ELAPOR2: variants seen among roughly 807,000 people sequenced by gnomAD.
The protein encoded by ELAPOR2 is endosome/lysosome-associated apoptosis and autophagy regulator family member 2.
ELAPOR2 carries 89 observed loss-of-function variants against 120.7 expected under a neutral mutation model. The observed-to-expected ratio is 0.74, with a 90% CI of 0.62 to 0.88. ELAPOR2 has a LOEUF of 0.88. Ranked by LOEUF, ELAPOR2 falls within the 40% of genes least tolerant of loss-of-function variation. ELAPOR2 has a pLI of 0.00. For synonymous variants in ELAPOR2, 444 were observed against 444.9 expected, an observed-to-expected ratio of 1.00 and a Z score of 0.03; for missense variants, 1,134 against 1,251.6, an observed-to-expected ratio of 0.91 and a Z score of 1.42.
At chr7:87,058,805 C>G (rs1795342345) in intron 1 of ELAPOR2, among the ~76,000 whole-genome samples, 1 of 152,088 alleles carries the variant, frequency 6.6e-6, no homozygotes, top group Admixed American at 6.5e-5. Flanking sequence ...CTAAGTGACA[C>G]CATACATTGG....
intron 1 of ELAPOR2, among the ~76,000 whole-genome samples, chr7:87,047,579 T>C (rs1794990761): frequency 6.6e-6 from 1 of 152,122 alleles, no homozygotes. Flanking sequence ...TATGAAAAGG[T>C]GCTCAATATC....
intron 1 of ELAPOR2, among the ~76,000 whole-genome samples, chr7:87,006,990 A>G (rs1793504045): frequency 6.6e-6 from 1 of 152,222 alleles, no homozygotes; most frequent in South Asian, 2.1e-4. Context: ...CCATTTATAT[A>G]AAGTTCTAAA....
chr7:86,884,491 A>C (rs1270533117), intron 21 of ELAPOR2, among the ~76,000 whole-genome samples: 1 of 152,154 alleles, frequency 6.6e-6, no homozygotes, highest in African/African-American at 2.4e-5. Context: ...TGGGAGGTGA[A>C]AGCCACCTAA....
At chr7:86,924,840 A>G (rs899664878) in intron 10 of ELAPOR2, among the ~76,000 whole-genome samples, 5 of 152,036 alleles carry the variant, frequency 3.3e-5, no homozygotes, top group African/African-American at 1.2e-4. Flanking sequence ...GAGAAAAGTG[A>G]GCAGATAAAA....
chr7:86,906,097 C>T (rs1788999379), intron 18 of ELAPOR2, among the ~76,000 whole-genome samples: 2 of 152,120 alleles, frequency 1.3e-5, no homozygotes, highest in Non-Finnish European at 2.9e-5. Context: ...TTGAAGTAGA[C>T]TCCCAGAGAC....
intron 1 of ELAPOR2, among the ~76,000 whole-genome samples, chr7:87,054,926 T>A (rs1584052175): frequency 6.6e-6 from 1 of 152,162 alleles, no homozygotes; most frequent in Non-Finnish European, 1.5e-5. Context: ...TTCCCACAAC[T>A]CCACACTCAC....
At chr7:87,008,813 G>A (rs534264151) in intron 1 of ELAPOR2, among the ~76,000 whole-genome samples, 1 of 152,200 alleles carries the variant, frequency 6.6e-6, no homozygotes, top group African/African-American at 2.4e-5. Flanking sequence ...GGAGCAAAAT[G>A]TAAACAGTGA....
chr7:86,987,002 A>G (rs551783691), intron 1 of ELAPOR2, among the ~76,000 whole-genome samples: 70 of 151,012 alleles, frequency 4.6e-4, no homozygotes, highest in African/African-American at 1.7e-3. Flanking sequence ...ACAGAGACAT[A>G]GACCAATGGA....
chr7:86,957,088 G>C (rs1428227701), intron 2 of ELAPOR2, among the ~76,000 whole-genome samples: 1 of 152,100 alleles, frequency 6.6e-6, no homozygotes, highest in Non-Finnish European at 1.5e-5. Flanking sequence ...CAATACGATT[G>C]ACCTAAAGTC....
chr7:87,023,673 G>A (rs1794140819), intron 1 of ELAPOR2, among the ~76,000 whole-genome samples: 1 of 152,046 alleles, frequency 6.6e-6, no homozygotes, highest in Admixed American at 6.6e-5. Context: ...CCATTTTCAT[G>A]ATATTGATTC....
chr7:87,018,754 G>C (rs989260755), intron 1 of ELAPOR2, among the ~76,000 whole-genome samples: 1 of 152,170 alleles, frequency 6.6e-6, no homozygotes, highest in Non-Finnish European at 1.5e-5. Context: ...ACATGCACTT[G>C]TTTTCTTGTG....
intron 5 of ELAPOR2, 28 bp from the exon 6 acceptor site, chr7:86,940,143 G>A (rs758540261): frequency 2.1e-6 from 3 of 1,434,680 alleles, no homozygotes. Context: ...AAGGCACTTA[G>A]GGCAGATAAG....
chr7:86,935,053 T>C (rs1790506828), intron 8 of ELAPOR2, among the ~76,000 whole-genome samples: 1 of 152,076 alleles, frequency 6.6e-6, no homozygotes, highest in African/African-American at 2.4e-5. Flanking sequence ...TGTTCATTCA[T>C]ATCCTCTCTA....
intron 1 of ELAPOR2, chr7:86,965,916 A>T: frequency 1.0e-6 from 1 of 985,318 alleles, no homozygotes; most frequent in African/African-American, 1.7e-5. Context: ...ATCAAGCCAC[A>T]TCACCATGCG....
chr7:87,017,511 T>C (rs1014328781), intron 1 of ELAPOR2, among the ~76,000 whole-genome samples: 1 of 152,218 alleles, frequency 6.6e-6, no homozygotes. Flanking sequence ...GGAATGAATA[T>C]ATGCTAAGGT....
intron 5 of ELAPOR2, among the ~76,000 whole-genome samples, chr7:86,941,747 C>T (rs1227630991): frequency 6.6e-6 from 1 of 151,228 alleles, no homozygotes. Flanking sequence ...AATTAGACTA[C>T]AATGGGAAGG....
At chr7:87,043,628 A>G (rs537890695) in intron 1 of ELAPOR2, among the ~76,000 whole-genome samples, 3 of 146,528 alleles carry the variant, frequency 2.0e-5, no homozygotes, top group Admixed American at 6.9e-5. Context: ...AATAAGAGCT[A>G]TCTATGACAA....
rs187018734 is a variant in ELAPOR2 at position 87,005,951 on chromosome 7, C to G, written c.190-40927G>C. Among the ~76,000 whole-genome samples, 324 of 152,180 alleles carry G rather than the reference C, an allele frequency of 2.1e-3. 2 individuals carry two copies. Among genetic ancestry groups the G allele is most frequent in the African/African-American group, 7.2e-3 (301 of 41,520 alleles). On this transcript the variant is annotated intron_variant, in intron 1 of 21. Coordinates refer to ENST00000450689, the MANE Select transcript of ELAPOR2 (RefSeq NM_001142749.3). Reference sequence around the variant, plus strand: ...TACTGAAATTTAAAATTCCTGCTCACCAAAACATGACATTAAGAAAACAGA... The same window carrying G: ...TACTGAAATTTAAAATTCCTGCTCAGCAAAACATGACATTAAGAAAACAGA...
chr7:86,957,309 ATTTT>A (rs1791515137), intron 2 of ELAPOR2, among the ~76,000 whole-genome samples: 1 of 152,160 alleles, frequency 6.6e-6, no homozygotes, highest in Non-Finnish European at 1.5e-5. Flanking sequence ...TATAGAACAA[ATTTT>A]TACAAATCTG....
Sources: allele counts gnomAD v4.1 joint callset (sites outside exome capture counted in the v4.1 genomes callset), GRCh38; gene constraint gnomAD v4.1.1; transcripts MANE v1.5; gene names NCBI Gene and HGNC (gene_info 2026-07-23, HGNC 2026-07-21).